The following NMT2 variants were observed in gnomAD, a reference collection of about 807,000 sequenced individuals.
The protein encoded by NMT2 is N-myristoyltransferase 2.
A neutral mutation model predicts 65.4 loss-of-function variants in NMT2; 35 were observed. The observed-to-expected ratio is 0.54, with a 90% confidence interval of 0.41 to 0.71. The LOEUF is 0.71. Among genes scored for constraint, NMT2 ranks in the 30% least tolerant of loss-of-function variants. The pLI is 0.00. For missense variants in NMT2, 489 were observed against 611.3 expected (o/e 0.80, Z 2.11); for synonymous variants, 226 against 231.8 (o/e 0.98, Z 0.23).
chr10:15,115,356 A>G (rs1845709095), intron 9 of NMT2, among the ~76,000 whole-genome samples: 1 of 152,214 alleles, frequency 6.6e-6, no homozygotes, highest in Non-Finnish European at 1.5e-5. Flanking sequence ...AAATAAAAGT[A>G]AGGTGACTCA....
chr10:15,135,731 G>A (rs11259511), intron 2 of NMT2, among the ~76,000 whole-genome samples: 19,629 of 151,924 alleles, frequency 0.13, 1,950 homozygotes, highest in African/African-American at 0.28. Context: ...GAGACGTGCA[G>A]TGCATGCATT....
chr10:15,107,523 G>A lies in NMT2; in HGVS notation c.*1672C>T, dbSNP rs1564553126. 1 of 834,404 alleles carries A rather than the reference G, an allele frequency of 1.2e-6. No homozygotes were observed. The allele number at this position is 834,404 out of a possible 1,614,324, so 51.7% of individuals were successfully genotyped here. On this transcript the variant is annotated 3_prime_UTR_variant, in exon 12 of 12. Transcript: ENST00000378165. ...GCTGGAGTGCAGTGGCACGATCTTG[G>A]CTCACTGCAACTTCCGCCTCCTGGG... is the stretch of plus-strand genomic sequence containing the variant.
chr10:15,125,665 GTTAT>G (rs777155572), intron 8 of NMT2, among the ~76,000 whole-genome samples: 2 of 152,058 alleles, frequency 1.3e-5, no homozygotes, highest in Non-Finnish European at 2.9e-5. Context: ...TATGTATTTA[GTTAT>G]TTATTTAGTT....
rs1845613428 is a variant in NMT2 at position 15,112,934 on chromosome 10, C to T, written c.1200G>A (p.Leu400=). The change falls in exon 10 of 12, where the codon CTG becomes CTA. Residue 400 remains leucine, a synonymous_variant. Coordinates refer to ENST00000378165, the MANE Select transcript of NMT2 (RefSeq NM_004808.3). Reference sequence around the variant, plus strand: ...CCGTGGAGGGGAGCGTATAGAAGCTCAGGAAATCAGTCAGTTTACCGTTGG... The same window carrying T: ...CCGTGGAGGGGAGCGTATAGAAGCTTAGGAAATCAGTCAGTTTACCGTTGG... ...ESPNGKLTDF[L]SFYTLPSTVM... is the part of the protein sequence containing the mutation. The T allele has an allele frequency of 6.2e-7, 1 of 1,613,954 alleles. No individual in the cohort carries two copies. Among genetic ancestry groups the T allele is most frequent in the African/African-American group, 1.3e-5 (1 of 74,874 alleles).
Position 15,109,166 on chromosome 10 carries a change from G to A in NMT2, c.*29C>T, listed in dbSNP as rs1340583914. On this transcript the variant is annotated 3_prime_UTR_variant, in exon 12 of 12. Transcript: ENST00000378165. ...TCATTAAATATTAACAAATGATGATGTCAGAGTTCTAGAAATAAAAATATC... is the reference window on the plus strand; with the variant it reads ...TCATTAAATATTAACAAATGATGATATCAGAGTTCTAGAAATAAAAATATC... 4 of 1,601,318 alleles carry A rather than the reference G, an allele frequency of 2.5e-6. No homozygotes were observed. The highest frequency in any genetic ancestry group is 2.2e-5 in the East Asian group (1 of 44,592).
chr10:15,155,164 G>A (rs777078276), intron 1 of NMT2: 1 of 1,531,524 alleles, frequency 6.5e-7, no homozygotes, highest in Admixed American at 1.7e-5. Flanking sequence ...ATAATTCTGT[G>A]AAAGCAGGAA....
At chr10:15,109,277 C>A in intron 11 of NMT2, 62 bp from the exon 12 acceptor site, 3 of 1,576,908 alleles carry the variant, frequency 1.9e-6, no homozygotes, top group South Asian at 1.2e-5. Context: ...TACAATAGAT[C>A]TGTCTTTCTA....
intron 10 of NMT2, among the ~76,000 whole-genome samples, chr10:15,112,393 TA>T (rs1845592408): frequency 6.6e-6 from 1 of 150,582 alleles, no homozygotes. Context: ...GAAGCCTGGC[TA>T]ACTTTTGTAT....
intron 1 of NMT2, among the ~76,000 whole-genome samples, chr10:15,162,934 T>C (rs968060705): frequency 6.6e-6 from 1 of 150,686 alleles, no homozygotes; most frequent in Non-Finnish European, 1.5e-5. Context: ...GAGAGATATA[T>C]ATATATGTAT....
intron 1 of NMT2, among the ~76,000 whole-genome samples, chr10:15,160,446 G>A: frequency 6.6e-6 from 1 of 151,862 alleles, no homozygotes; most frequent in Non-Finnish European, 1.5e-5. Context: ...AAACCCCCAT[G>A]AACATGTATC....
chr10:15,156,370 G>A (rs938365338), intron 1 of NMT2, among the ~76,000 whole-genome samples: 4 of 152,180 alleles, frequency 2.6e-5, no homozygotes, highest in Admixed American at 1.3e-4. Context: ...TGCCATGAGT[G>A]TAAGTTTCCT....
intron 2 of NMT2, among the ~76,000 whole-genome samples, chr10:15,136,487 G>A (rs1264070897): frequency 6.6e-6 from 1 of 151,176 alleles, no homozygotes; most frequent in African/African-American, 2.4e-5. Flanking sequence ...AGGAAGGAAG[G>A]ACAGATGGAA....
intron 1 of NMT2, among the ~76,000 whole-genome samples, chr10:15,166,063 A>C (rs1833368811): frequency 6.6e-6 from 1 of 152,146 alleles, no homozygotes; most frequent in African/African-American, 2.4e-5. Context: ...AATTCCATGA[A>C]AATAAAAGAA....
At position 15,140,854 on chromosome 10, in the gene NMT2, C is replaced by T. The variant is rs1846728742; in HGVS notation, c.246+568G>A. 5.0e-6 allele frequency: 4 copies of T among 805,680 alleles called. No individual in the cohort carries two copies. In the Admixed American group the frequency reaches 8.8e-5, roughly 18 times the overall value. The allele number at this position is 805,680 out of a possible 1,614,324, so 49.9% of individuals were successfully genotyped here. On this transcript the variant is annotated intron_variant, in intron 2 of 11. Transcript: ENST00000378165. ...CCTCTTCTTGGCCACCATCTGCCAA[C>T]ACGGGGCCCAGCTGGACAACTTCTG...
intron 1 of NMT2, among the ~76,000 whole-genome samples, chr10:15,148,659 T>C (rs986840295): frequency 3.3e-5 from 5 of 152,334 alleles, no homozygotes; most frequent in African/African-American, 1.2e-4. Context: ...ATATAATTTA[T>C]TGCTAGCTGG....
chr10:15,159,296 C>T (rs1286798342), intron 1 of NMT2, among the ~76,000 whole-genome samples: 1 of 152,044 alleles, frequency 6.6e-6, no homozygotes, highest in Middle Eastern at 3.2e-3. Flanking sequence ...GACAGATGGA[C>T]CTTGGGTACT....
rs140292384 is a variant in NMT2 at position 15,132,318 on chromosome 10, A to C, written c.719+499T>G. ...ACTTAATAAATTTATATTTTAAAAC[A>C]GTTTTAGGTTCACAGCAAAACCAAT... On this transcript the variant is annotated intron_variant, in intron 6 of 11. Transcript: ENST00000378165. Among the ~76,000 whole-genome samples the C allele has an allele frequency of 2.8e-3, 424 of 152,276 alleles. 2 individuals carry two copies. The highest frequency in any genetic ancestry group is 9.6e-3 in the African/African-American group (399 of 41,554).
chr10:15,124,020 TA>T (rs1589305430), intron 8 of NMT2, among the ~76,000 whole-genome samples: 1 of 152,128 alleles, frequency 6.6e-6, no homozygotes, highest in Non-Finnish European at 1.5e-5. Flanking sequence ...TGCTAACCAC[TA>T]AAAAAACCAT....
intron 1 of NMT2, among the ~76,000 whole-genome samples, chr10:15,156,626 C>T (rs540979815): frequency 1.7e-3 from 266 of 152,266 alleles, no homozygotes; most frequent in African/African-American, 6.2e-3. Context: ...AGGCCAGGCG[C>T]GGTGGCTCAC....
Sources: gnomAD v4.1 joint callset for allele counts (sites outside exome capture counted in the v4.1 genomes callset) on GRCh38, gnomAD v4.1.1 for gene constraint, MANE v1.5 for transcripts, NCBI Gene and HGNC (gene_info 2026-07-23, HGNC 2026-07-21) for gene names.